The following TAC4 variants were observed in gnomAD, a reference collection of about 807,000 sequenced individuals.
The protein encoded by TAC4 is tachykinin precursor 4.
Under a neutral mutation model 17.7 loss-of-function variants are expected in TAC4, and 17 were observed. The observed-to-expected ratio is 0.96, with a 90% CI of 0.66 to 1.44. The LOEUF is 1.44. Ranked by LOEUF, TAC4 falls within the 40% of genes most tolerant of loss-of-function variation. The pLI is 0.00. For synonymous variants in TAC4, 62 were observed against 52.4 expected (o/e 1.18, Z -0.79); for missense variants, 118 against 125.6 (o/e 0.94, Z 0.29).
chr17:49,839,510 T>C (rs2074481061), intron 4 of TAC4, among the ~76,000 whole-genome samples: 2 of 152,172 alleles, frequency 1.3e-5, no homozygotes, highest in Admixed American at 1.3e-4. Flanking sequence ...CGATCAACGA[T>C]TAGAGCTTTG....
Position 49,847,670 on chromosome 17 carries a change from T to TACACACACACAC in TAC4, c.105+231_105+242dup, listed in dbSNP as rs1230844971. On this transcript the variant is annotated intron_variant, in intron 1 of 4. Transcript: ENST00000436235. ...TACCGTGTGTTAAATAAGTATTTCT[T>TACACACACACAC]ACACACACACACACACACACAGACA... The TACACACACACAC allele has an allele frequency of 1.7e-4, 73 of 426,212 alleles. No individual in the cohort carries two copies. The South Asian group carries it at 1.8e-3, about 11-fold the overall frequency. 26.4% of individuals were successfully genotyped at this position (426,212 alleles called of 1,614,324 possible). A position where few individuals can be genotyped will look rare whatever the true frequency, so the allele number is the denominator to read the frequency against.
At chr17:49,843,522 T>C (rs533951145) in intron 2 of TAC4, among the ~76,000 whole-genome samples, 1 of 152,278 alleles carries the variant, frequency 6.6e-6, no homozygotes, top group South Asian at 2.1e-4. Context: ...GTGCTCCCCA[T>C]TGTTGGGAAC....
At chr17:49,838,820 C>G in intron 4 of TAC4, 147 bp from the exon 5 acceptor site, 1 of 748,070 alleles carries the variant, frequency 1.3e-6, no homozygotes, top group Non-Finnish European at 2.2e-6. Flanking sequence ...AATGGGATTA[C>G]AGGCTCATCT....
intron 3 of TAC4, 108 bp from the exon 4 acceptor site, chr17:49,840,017 G>A: frequency 1.0e-6 from 1 of 1,000,326 alleles, no homozygotes; most frequent in East Asian, 2.5e-5. Context: ...CGGGGCCAGG[G>A]CTGGGGCCTT....
intron 4 of TAC4, 92 bp from the exon 5 acceptor site, chr17:49,838,765 C>G: frequency 7.8e-7 from 1 of 1,285,356 alleles, no homozygotes; most frequent in East Asian, 2.4e-5. Context: ...CATTGAAGGC[C>G]TTCATCTTCC....
At chr17:49,841,652 A>G (rs1598102793) in intron 2 of TAC4, 68 bp from the exon 3 acceptor site, 8 of 1,457,448 alleles carry the variant, frequency 5.5e-6, no homozygotes, top group Non-Finnish European at 7.3e-6. Flanking sequence ...TGAGGTGGAA[A>G]AGGCTCCAGT....
chr17:49,846,639 TCTC>T (rs2074542722), intron 1 of TAC4, among the ~76,000 whole-genome samples: 1 of 151,994 alleles, frequency 6.6e-6, no homozygotes, highest in Non-Finnish European at 1.5e-5. Flanking sequence ...TCTAACCCAG[TCTC>T]CTCCCATATT....
intron 4 of TAC4, 107 bp downstream of exon 4, chr17:49,839,743 G>T: frequency 9.4e-7 from 1 of 1,059,328 alleles, no homozygotes; most frequent in East Asian, 2.6e-5. Flanking sequence ...GATGGCTTGT[G>T]GGGAGCCTGT....
At chr17:49,839,987 G>T (rs755482829) in intron 3 of TAC4, 78 bp from the exon 4 acceptor site, 145 of 1,453,138 alleles carry the variant, frequency 1.0e-4, no homozygotes, top group Middle Eastern at 3.5e-4. Context: ...AAGGACAAAG[G>T]ACAGGGCCAG....
chr17:49,841,636 G>C (rs2074499080), intron 2 of TAC4, 52 bp from the exon 3 acceptor site: 2 of 1,492,008 alleles, frequency 1.3e-6, no homozygotes, highest in Non-Finnish European at 1.8e-6. Context: ...TTCCCTGGGG[G>C]CTTGGTGAGG....
chr17:49,838,652 C>T lies in TAC4; in HGVS notation c.314G>A (p.Gly105Asp), dbSNP rs1442357247. ...CTGTGGTGGGGGCTTTTACTCTGAACCTTGGGCCTCATCCTCTCTGCCTGG... is the reference window on the plus strand; with the variant it reads ...CTGTGGTGGGGGCTTTTACTCTGAATCTTGGGCCTCATCCTCTCTGCCTGG... The part of the protein sequence containing the change: ...FTEGREDEAQ[G>D]SE Residue 105 changes from glycine to aspartate, a missense_variant, in exon 5 of 5, where the codon GGT (glycine) becomes GAT (aspartate). By Grantham distance (94) the Gly-to-Asp change is moderately conservative. Transcript: ENST00000436235. The T allele has an allele frequency of 1.2e-6, 2 of 1,613,476 alleles. No homozygotes were observed. The highest frequency in any genetic ancestry group is 1.7e-5 in the Admixed American group (1 of 59,894).
At chr17:49,843,162 T>C (rs1480421753) in intron 2 of TAC4, among the ~76,000 whole-genome samples, 1 of 152,248 alleles carries the variant, frequency 6.6e-6, no homozygotes, top group African/African-American at 2.4e-5. Flanking sequence ...ATTGCGAACG[T>C]GTCCTCCAAA....
chr17:49,846,825 A>C, intron 1 of TAC4: 1 of 634,716 alleles, frequency 1.6e-6, no homozygotes, highest in Non-Finnish European at 2.3e-6. Flanking sequence ...TCACCCAGCA[A>C]GGCTTCTGTC....
intron 1 of TAC4, among the ~76,000 whole-genome samples, chr17:49,844,681 C>T (rs1424361954): frequency 6.6e-6 from 1 of 152,152 alleles, no homozygotes; most frequent in African/African-American, 2.4e-5. Context: ...TTGCTTGAAC[C>T]TGGGAGGCAG....
chr17:49,846,946 G>A, intron 1 of TAC4: 1 of 1,286,824 alleles, frequency 7.8e-7, no homozygotes, highest in African/African-American at 1.5e-5. Context: ...GGAAACTGAT[G>A]TCCAGAAAGA....
intron 1 of TAC4, chr17:49,846,981 T>C: frequency 7.8e-7 from 1 of 1,289,942 alleles, no homozygotes; most frequent in African/African-American, 1.5e-5. Context: ...GAGACACTCC[T>C]AGCCCTGCTG....
rs185082522 is a variant in TAC4, at chr17:49,843,616, T to C, written c.199+448A>G. 5.3e-5 allele frequency among the ~76,000 whole-genome samples: 8 copies of C among 152,324 alleles called. No homozygotes were observed. In the East Asian group the frequency reaches 1.5e-3, roughly 29 times the overall value. ...TGCATGCTAATTTCTTTTTTTGAGA[T>C]GGAGTCTCGCTTTGTCGCCCAGGCT... On this transcript the variant is annotated intron_variant, in intron 2 of 4. Transcript: ENST00000436235.
intron 1 of TAC4, chr17:49,847,692 G>GAC (rs150685532): frequency 0.27 from 114,631 of 417,920 alleles, 8,397 homozygotes; most frequent in Non-Finnish European, 0.33. Context: ...CACACACACA[G>GAC]ACACACACAC....
At chr17:49,847,712 C>CAG (rs1253948674) in intron 1 of TAC4, 2 of 693,930 alleles carry the variant, frequency 2.9e-6, no homozygotes, top group African/African-American at 3.6e-5. Context: ...CACACACACA[C>CAG]ACACACACAC....
Sources: allele counts gnomAD v4.1 joint callset (sites outside exome capture counted in the v4.1 genomes callset), GRCh38; gene constraint gnomAD v4.1.1; transcripts MANE v1.5; gene names NCBI Gene and HGNC (gene_info 2026-07-23, HGNC 2026-07-21).